Variants in NAALADL2 observed in about 807,000 individuals in gnomAD.
The protein encoded by NAALADL2 is N-acetylated alpha-linked acidic dipeptidase like 2.
A neutral mutation model predicts 87.2 loss-of-function variants in NAALADL2; 76 were observed. The observed-to-expected ratio is 0.87, with a 90% CI of 0.72 to 1.05. The LOEUF is 1.05. Ranked by LOEUF, NAALADL2 falls within the 50% of genes least tolerant of loss-of-function variation. The probability of loss-of-function intolerance (pLI) is 0.00; values close to 1 mark genes in which losing one functional copy is unlikely to be tolerated. For missense variants in NAALADL2, 1,089 were observed against 945.8 expected (o/e 1.15, Z -1.99); for synonymous variants, 354 against 331.0 (o/e 1.07, Z -0.75).
chr3:175,054,502 A>G (rs974620439), intron 1 of NAALADL2, among the ~76,000 whole-genome samples: 3 of 152,096 alleles, frequency 2.0e-5, no homozygotes, highest in Admixed American at 2.0e-4. Context: ...TTTTTTCTTA[A>G]TTTCGAAAAC....
chr3:174,945,918 CA>C (rs1330272593), intron 1 of NAALADL2, among the ~76,000 whole-genome samples: 3 of 151,802 alleles, frequency 2.0e-5, no homozygotes, highest in Non-Finnish European at 4.4e-5. Context: ...TGGTGGCATG[CA>C]CCTGCGGTCC....
intron 12 of NAALADL2, among the ~76,000 whole-genome samples, chr3:175,743,093 C>T (rs901395217): frequency 9.2e-5 from 14 of 152,014 alleles, no homozygotes; most frequent in Admixed American, 7.9e-4. Context: ...CTCCTCCTCC[C>T]GGGTTCAAGT....
rs562970306 is a variant in NAALADL2, at chr3:174,972,856, C to T, written c.43+113406C>T. ...AAAAAAAAATACAAAATTAGCCAGG[C>T]GTGGTGATGCATGCCCATAATCCCA... On this transcript the variant is annotated intron_variant, in intron 1 of 13. Coordinates refer to ENST00000454872, the MANE Select transcript of NAALADL2 (RefSeq NM_207015.3). 4.6e-5 allele frequency among the ~76,000 whole-genome samples: 7 copies of T among 151,966 alleles called. No homozygotes were observed. In the South Asian group the frequency reaches 1.5e-3, roughly 32 times the overall value.
chr3:175,362,902 G>T lies in NAALADL2; in HGVS notation c.1090+38577G>T, dbSNP rs996474402. ...TGAAGGAGTAAGGTGGTATCACCTT[G>T]TGGTTTTGATTTTCATTTCCCTGAT... On this transcript the variant is annotated intron_variant, in intron 5 of 13. Transcript: ENST00000454872. Among the ~76,000 whole-genome samples the T allele has an allele frequency of 2.5e-4, 37 of 148,050 alleles. 3 individuals are homozygous for T. The highest frequency in any genetic ancestry group is 5.3e-4 in the Non-Finnish European group (35 of 66,446).
At chr3:175,791,266 ATTTAT>A (rs1046383302) in intron 13 of NAALADL2, among the ~76,000 whole-genome samples, 5 of 152,178 alleles carry the variant, frequency 3.3e-5, no homozygotes, top group Admixed American at 6.5e-5. Context: ...CTCTTTTAAA[ATTTAT>A]TTTATTTTAT....
chr3:175,377,367 A>G (rs754491527), intron 5 of NAALADL2, among the ~76,000 whole-genome samples: 1 of 152,172 alleles, frequency 6.6e-6, no homozygotes, highest in Non-Finnish European at 1.5e-5. Context: ...GGGTTAATTC[A>G]TCATCTCTGA....
At chr3:174,923,893 C>A (rs532890552) in intron 1 of NAALADL2, among the ~76,000 whole-genome samples, 2 of 152,122 alleles carry the variant, frequency 1.3e-5, no homozygotes, top group African/African-American at 4.8e-5. Flanking sequence ...TTCAAAAAAC[C>A]ATGCCTTGTC....
chr3:175,025,626 A>G lies in NAALADL2; in HGVS notation c.44-71164A>G, dbSNP rs552525732. Reference sequence around the variant, plus strand: ...TTTGTCATGAAACACCTTCAAATTTATAAGTGAAAATGTCATGAACATAGA... The same window carrying G: ...TTTGTCATGAAACACCTTCAAATTTGTAAGTGAAAATGTCATGAACATAGA... On this transcript the variant is annotated intron_variant, in intron 1 of 13. Transcript: ENST00000454872. Among the ~76,000 whole-genome samples the G allele has an allele frequency of 7.2e-5, 11 of 152,282 alleles. No homozygotes were observed. The South Asian group carries it at 2.1e-3, about 29-fold the overall frequency.
chr3:174,859,374 A>C lies in NAALADL2; in HGVS notation c.-34A>C. 1 of 1,572,894 alleles carries C rather than the reference A, an allele frequency of 6.4e-7. No homozygotes were observed. The highest frequency in any genetic ancestry group is 8.7e-7 in the Non-Finnish European group (1 of 1,149,572). Reference sequence around the variant, plus strand: ...TTGCAGGGTAAGTGACACAACTTGAAACTGCTTGGCCCTCTTTAAAAAGAA... The same window carrying C: ...TTGCAGGGTAAGTGACACAACTTGACACTGCTTGGCCCTCTTTAAAAAGAA... On this transcript the variant is annotated 5_prime_UTR_variant, in exon 1 of 14. Transcript: ENST00000454872.
chr3:174,686,100 T>G (rs1361347507), intron 2 of NAALADL2, among the ~76,000 whole-genome samples: 1 of 152,130 alleles, frequency 6.6e-6, no homozygotes, highest in East Asian at 1.9e-4. Context: ...TCCATATCTT[T>G]GCTATTGTGT....
chr3:175,746,316 T>TG (rs35798596), intron 12 of NAALADL2, among the ~76,000 whole-genome samples: 146 of 56,974 alleles, frequency 2.6e-3, no homozygotes, highest in African/African-American at 0.015. Flanking sequence ...ACTTGGTTTG[T>TG]TTTTTTTTTT....
chr3:174,579,752 T>TA (rs925745155), intron 2 of NAALADL2, among the ~76,000 whole-genome samples: 6 of 152,080 alleles, frequency 3.9e-5, no homozygotes, highest in Non-Finnish European at 1.5e-5. Flanking sequence ...AGCACCCTTC[T>TA]AGATATGGCA....
intron 2 of NAALADL2, among the ~76,000 whole-genome samples, chr3:175,218,700 G>T (rs912927505): frequency 6.6e-6 from 1 of 151,756 alleles, no homozygotes; most frequent in African/African-American, 2.4e-5. Flanking sequence ...TTCTTTCATT[G>T]GCTATATCTG....
intron 10 of NAALADL2, among the ~76,000 whole-genome samples, chr3:175,587,281 A>G (rs1720673827): frequency 6.6e-6 from 1 of 152,220 alleles, no homozygotes; most frequent in African/African-American, 2.4e-5. Flanking sequence ...CAGTGCTTTT[A>G]AACTCCTATA....
chr3:175,412,986 TG>T (rs1359708925), intron 5 of NAALADL2, among the ~76,000 whole-genome samples: 1 of 149,362 alleles, frequency 6.7e-6, no homozygotes, highest in East Asian at 2.0e-4. Context: ...TGGCGCAATC[TG>T]GGCTCACCTC....
At chr3:175,783,193 T>G (rs1576812946) in intron 13 of NAALADL2, among the ~76,000 whole-genome samples, 1 of 152,214 alleles carries the variant, frequency 6.6e-6, no homozygotes, top group Admixed American at 6.5e-5. Flanking sequence ...ATGCAGGCTC[T>G]TTTTTGGTTC....
Position 174,796,712 on chromosome 3 carries a change from T to G in NAALADL2, c.-9+58966T>G, listed in dbSNP as rs1336692515. ...ACATGTCTCTTTTTGATGGAATGACTTATTTTCCTTTGAGCATTTTTGTCG... is the reference window on the plus strand; with the variant it reads ...ACATGTCTCTTTTTGATGGAATGACGTATTTTCCTTTGAGCATTTTTGTCG... On this transcript the variant is annotated intron_variant, in intron 3 of 3. Transcript: ENST00000434257. Among the ~76,000 whole-genome samples, 13 of 152,212 alleles carry G rather than the reference T, an allele frequency of 8.5e-5. 2 individuals carry two copies. The highest frequency in any genetic ancestry group is 8.5e-4 in the Admixed American group (13 of 15,252).
At chr3:174,821,247 G>C (rs1005940643) in intron 3 of NAALADL2, among the ~76,000 whole-genome samples, 2 of 151,956 alleles carry the variant, frequency 1.3e-5, no homozygotes, top group African/African-American at 2.4e-5. Flanking sequence ...TATTACATTA[G>C]GAAATATATT....
chr3:174,700,934 C>T (rs780535794), intron 2 of NAALADL2, among the ~76,000 whole-genome samples: 11 of 152,036 alleles, frequency 7.2e-5, no homozygotes, highest in Non-Finnish European at 1.2e-4. Flanking sequence ...GATAATGGAG[C>T]TTAGCATTGT....
Sources: gnomAD v4.1 joint callset for allele counts (sites outside exome capture counted in the v4.1 genomes callset) on GRCh38, gnomAD v4.1.1 for gene constraint, MANE v1.5 for transcripts, NCBI Gene and HGNC (gene_info 2026-07-23, HGNC 2026-07-21) for gene names.